The following ZNF713 variants were observed in gnomAD, a reference collection of about 807,000 sequenced individuals.
The protein encoded by ZNF713 is zinc finger protein 713.
A neutral mutation model predicts 28.7 loss-of-function variants in ZNF713; 21 were observed. The ratio of observed to expected loss-of-function variants is 0.73; its 90% CI spans 0.52 to 1.05. The LOEUF (loss-of-function observed/expected upper bound fraction) is 1.05, where lower values mean the gene tolerates loss of function less well. Among genes scored for constraint, ZNF713 ranks in the 50% least tolerant of loss-of-function variants. The pLI is 0.00. For missense variants in ZNF713, 458 were observed against 532.4 expected, an observed-to-expected ratio of 0.86 and a Z score of 1.37; for synonymous variants, 167 against 178.0, an observed-to-expected ratio of 0.94 and a Z score of 0.49.
chr7:55,893,352 C>T (rs1402994392), intron 1 of ZNF713, among the ~76,000 whole-genome samples: 1 of 152,116 alleles, frequency 6.6e-6, no homozygotes, highest in Non-Finnish European at 1.5e-5. Flanking sequence ...TGGGGAAATG[C>T]AGCCAGGCCT....
In ZNF713 at chr7:55,901,306, G is replaced by A. The variant is rs1785572068; in HGVS notation, c.-582-4947G>A. Among the ~76,000 whole-genome samples the A allele has an allele frequency of 2.0e-5, 3 of 152,250 alleles. No homozygotes were observed. In the South Asian group the frequency reaches 6.2e-4, roughly 32 times the overall value. ...GAAACTCTAGCTTATAAAGCCATCA[G>A]TTCTCATGAGACTTATTCACTATCA... is the stretch of plus-strand genomic sequence containing the variant. On this transcript the variant is annotated intron_variant, in intron 1 of 6. Transcript: ENST00000429591.
intron 4 of ZNF713, among the ~76,000 whole-genome samples, chr7:55,916,502 T>C (rs750763799): frequency 6.6e-6 from 1 of 152,268 alleles, no homozygotes; most frequent in Non-Finnish European, 1.5e-5. Context: ...TTATGCTGTT[T>C]GTTGTCTACT....
At chr7:55,920,055 T>C (rs1362021583) in intron 4 of ZNF713, among the ~76,000 whole-genome samples, 1 of 152,192 alleles carries the variant, frequency 6.6e-6, no homozygotes, top group Non-Finnish European at 1.5e-5. Context: ...CCCTATTTGC[T>C]GAGACACAGC....
chr7:55,922,969 G>A (rs1236637131), intron 4 of ZNF713, among the ~76,000 whole-genome samples, 193 bp from the exon 5 acceptor site: 1 of 152,154 alleles, frequency 6.6e-6, no homozygotes, highest in Non-Finnish European at 1.5e-5. Context: ...ATTATTTCAT[G>A]TATGTTTTTG....
chr7:55,902,703 G>T (rs1315804386), intron 1 of ZNF713, among the ~76,000 whole-genome samples: 2 of 152,132 alleles, frequency 1.3e-5, no homozygotes, highest in Non-Finnish European at 1.5e-5. Context: ...ATGAAAGACA[G>T]CCTAAGAAAC....
At chr7:55,914,081 A>T (rs1309990305) in intron 4 of ZNF713, among the ~76,000 whole-genome samples, 1 of 150,984 alleles carries the variant, frequency 6.6e-6, no homozygotes, top group East Asian at 1.9e-4. Context: ...ACTGCACTCC[A>T]GCCTGGGCAA....
At chr7:55,900,014 G>A (rs112404884) in intron 1 of ZNF713, among the ~76,000 whole-genome samples, 6,622 of 152,036 alleles carry the variant, frequency 0.044, 172 homozygotes, top group South Asian at 0.063. Context: ...AAAGTGCAGG[G>A]ATTACAGGTG....
chr7:55,909,110 A>G (rs891036717), intron 2 of ZNF713, among the ~76,000 whole-genome samples: 6 of 151,300 alleles, frequency 4.0e-5, no homozygotes, highest in African/African-American at 1.5e-4. Context: ...AGGCAGGAGA[A>G]ATCGCTTGAA....
chr7:55,913,183 CTG>C (rs1785816014), intron 4 of ZNF713, among the ~76,000 whole-genome samples: 1 of 138,908 alleles, frequency 7.2e-6, no homozygotes, highest in South Asian at 2.4e-4. Flanking sequence ...CTGTTTAAAT[CTG>C]TTTTGATTCC....
At chr7:55,937,808 G>GAGGTGGGAGGATTGCTTGAGCCC (rs1248223639) in intron 6 of ZNF713, among the ~76,000 whole-genome samples, 20 of 152,254 alleles carry the variant, frequency 1.3e-4, no homozygotes, top group African/African-American at 3.8e-4. Context: ...TTGGGAAGCT[G>GAGGTGGGAGGATTGCTTGAGCCC]AGGTGGGAGG....
At chr7:55,910,019 G>GTGTA (rs1647975665) in intron 2 of ZNF713, among the ~76,000 whole-genome samples, 2 of 150,432 alleles carry the variant, frequency 1.3e-5, no homozygotes, top group East Asian at 1.9e-4. Context: ...GTGTGTGTGT[G>GTGTA]TATATATATA....
chr7:55,940,089 A>T lies in ZNF713; in HGVS notation c.*83A>T, dbSNP rs1172324988. 4 of 1,483,750 alleles carry T rather than the reference A, an allele frequency of 2.7e-6. No homozygotes were observed. The highest frequency in any genetic ancestry group is 3.6e-6 in the Non-Finnish European group (4 of 1,122,954). The allele number at this position is 1,483,750 out of a possible 1,614,324, so 91.9% of individuals were successfully genotyped here. A position where few individuals can be genotyped will look rare whatever the true frequency, so the allele number is the denominator to read the frequency against. On this transcript the variant is annotated 3_prime_UTR_variant, in exon 7 of 7. Coordinates refer to ENST00000429591, the MANE Select transcript of ZNF713 (RefSeq NM_182633.3). ...TTTTTATCCCATTCAATATCAAATT[A>T]TTCATAGTGGAGAGAAAGCTTATAC...
At chr7:55,926,009 T>C (rs1208575185) in intron 6 of ZNF713, among the ~76,000 whole-genome samples, 1 of 152,124 alleles carries the variant, frequency 6.6e-6, no homozygotes, top group Non-Finnish European at 1.5e-5. Context: ...AAATAACTGC[T>C]AATTTAGGAA....
intron 6 of ZNF713, among the ~76,000 whole-genome samples, chr7:55,927,830 G>GAGGTTGCA: frequency 7.4e-6 from 1 of 135,094 alleles, no homozygotes. Context: ...CCCGGAGACG[G>GAGGTTGCA]AGGTTGCAGT....
At chr7:55,909,971 ATGTGTGTG>A (rs71015122) in intron 2 of ZNF713, among the ~76,000 whole-genome samples, 2 of 146,684 alleles carry the variant, frequency 1.4e-5, no homozygotes, top group Non-Finnish European at 1.5e-5. Context: ...ATATACGTTT[ATGTGTGTG>A]TGTGTGTGTG....
chr7:55,894,191 T>C (rs1346969393), intron 1 of ZNF713, among the ~76,000 whole-genome samples: 1 of 152,208 alleles, frequency 6.6e-6, no homozygotes, highest in East Asian at 1.9e-4. Flanking sequence ...TCCCATGGCC[T>C]CAGGCAAACA....
chr7:55,906,583 C>G (rs1273190804), intron 2 of ZNF713, among the ~76,000 whole-genome samples: 5 of 152,084 alleles, frequency 3.3e-5, no homozygotes, highest in African/African-American at 4.8e-5. Context: ...CAAGGTTTTT[C>G]TGCTTCTGCC....
At chr7:55,923,439 C>G (rs530943160) in intron 5 of ZNF713, 151 bp downstream of exon 5, 3 of 1,161,126 alleles carry the variant, frequency 2.6e-6, no homozygotes, top group African/African-American at 3.1e-5. Context: ...GTTTTCTGCT[C>G]TTTCTCCTCC....
chr7:55,912,827 C>T, intron 4 of ZNF713, 104 bp downstream of exon 4: 1 of 866,476 alleles, frequency 1.2e-6, no homozygotes, highest in South Asian at 1.5e-5. Context: ...ATCCAGAGCC[C>T]AGGAGATTCA....
Sources: gnomAD v4.1 joint callset for allele counts (sites outside exome capture counted in the v4.1 genomes callset) on GRCh38, gnomAD v4.1.1 for gene constraint, MANE v1.5 for transcripts, NCBI Gene and HGNC (gene_info 2026-07-23, HGNC 2026-07-21) for gene names.